The following FBXL5 variants were observed in gnomAD, a reference collection of about 807,000 sequenced individuals.
FBXL5 encodes the protein F-box and leucine rich repeat protein 5.
In FBXL5, 26 loss-of-function variants were observed where a neutral mutation model predicts 78.3. That is an observed-to-expected ratio of 0.33 (90% CI 0.24 to 0.46). The LOEUF is 0.46. Ranked by LOEUF, FBXL5 falls within the 20% of genes least tolerant of loss-of-function variation. The pLI is 1.00. For synonymous variants in FBXL5, 295 were observed against 282.5 expected (o/e 1.04, Z -0.45); for missense variants, 710 against 829.2 (o/e 0.86, Z 1.77).
chr4:15,651,760 C>A (rs1716089723), intron 1 of FBXL5, among the ~76,000 whole-genome samples: 1 of 152,018 alleles, frequency 6.6e-6, no homozygotes, highest in African/African-American at 2.4e-5. Flanking sequence ...ACTTTTAATA[C>A]CCTTACCTGA....
chr4:15,627,211 T>C (rs1257248044), intron 7 of FBXL5, among the ~76,000 whole-genome samples: 1 of 147,934 alleles, frequency 6.8e-6, no homozygotes, highest in Non-Finnish European at 1.5e-5. Context: ...CTTGGCTCAC[T>C]GCAACCTCCG....
At chr4:15,656,848 G>C (rs1000907668), upstream of FBXL5, among the ~76,000 whole-genome samples, 1 of 151,968 alleles carries the variant, frequency 6.6e-6, no homozygotes, top group East Asian at 1.9e-4. Context: ...CTATGAGGTA[G>C]TGCTGCAGGA....
intron 3 of FBXL5, among the ~76,000 whole-genome samples, chr4:15,640,393 G>GAAAAAAAAAAAAAA: frequency 1.1e-5 from 1 of 91,600 alleles, no homozygotes; most frequent in Admixed American, 1.3e-4. Flanking sequence ...CTACACTACT[G>GAAAAAAAAAAAAAA]AAAAAAAAAA....
At chr4:15,606,086 C>A (rs1196829684) in intron 10 of FBXL5, among the ~76,000 whole-genome samples, 1 of 152,092 alleles carries the variant, frequency 6.6e-6, no homozygotes, top group East Asian at 1.9e-4. Flanking sequence ...ATGAGACAAT[C>A]CACAGAAGCA....
At chr4:15,633,525 T>C (rs2148606834) in intron 5 of FBXL5, among the ~76,000 whole-genome samples, 1 of 152,334 alleles carries the variant, frequency 6.6e-6, no homozygotes, top group South Asian at 2.1e-4. Context: ...TATAAATTTA[T>C]AGATCCTGGA....
In FBXL5 at chr4:15,625,698, A is replaced by G. The variant is rs1164447207; in HGVS notation, c.1404T>C (p.Pro468=). 2 of 1,614,250 alleles carry G rather than the reference A, an allele frequency of 1.2e-6. No homozygotes were observed. Among genetic ancestry groups the G allele is most frequent in the Non-Finnish European group, 1.7e-6 (2 of 1,180,042 alleles). Residue 468 remains proline, a synonymous_variant, in exon 9 of 11, where the codon CCT becomes CCC. Transcript: ENST00000341285. ...GAGAAGTGAAATTCTCAGAAGAAACAGGCTTAGTCCAGGGGTGTTCATTAT... is the reference window on the plus strand; with the variant it reads ...GAGAAGTGAAATTCTCAGAAGAAACGGGCTTAGTCCAGGGGTGTTCATTAT... ...EIDNEHPWTK[P]VSSENFTSPY...
rs1196006916 is a variant in FBXL5 at position 15,625,475 on chromosome 4, A to G, written c.1627T>C (p.Phe543Leu). Residue 543 changes from phenylalanine to leucine, a missense_variant, in exon 9 of 11, where the codon TTT becomes CTT. By Grantham distance (22) the Phe-to-Leu change is conservative (BLOSUM62 0). Coordinates refer to ENST00000341285, the MANE Select transcript of FBXL5 (RefSeq NM_012161.4). The part of the protein sequence containing the change: ...CWQQHCASPA[F>L]AYCGHSFCCT... ...CAAAATGAGTGACCACAATACGCAA[A>G]GGCTGGAGAAGCACAATGCTGCTGC... is the stretch of plus-strand genomic sequence containing the variant. 20 of 1,613,854 alleles carry G rather than the reference A, an allele frequency of 1.2e-5. No homozygotes were observed. Among genetic ancestry groups the G allele is most frequent in the Non-Finnish European group, 1.2e-5 (14 of 1,179,926 alleles).
At chr4:15,649,155 A>G (rs1715661954) in intron 1 of FBXL5, among the ~76,000 whole-genome samples, 1 of 152,140 alleles carries the variant, frequency 6.6e-6, no homozygotes, top group Non-Finnish European at 1.5e-5. Flanking sequence ...GATGAAGTGA[A>G]AACAAAGCCA....
At chr4:15,643,515 T>G (rs534051905) in intron 2 of FBXL5, among the ~76,000 whole-genome samples, 107 of 152,332 alleles carry the variant, frequency 7.0e-4, no homozygotes, top group African/African-American at 2.5e-3. Context: ...CCTCCCAGGT[T>G]CAAGCAACTC....
rs1714314519 is a variant in FBXL5, at chr4:15,636,670, T to A, written c.590A>T (p.Glu197Val). ...SVDEKSDKEA[E>V]VSEHSTGITH... is the part of the protein sequence containing the mutation. The stretch of plus-strand genomic sequence containing the variant: ...TATACCTGTGGAGTGTTCTGACACT[T>A]CTGCTTCTGAAATAAAAAAGAAAAA... The change falls in exon 5 of 11, where the codon GAA becomes GTA. Residue 197 changes from glutamate to valine, a missense_variant. Coordinates refer to ENST00000341285, the MANE Select transcript of FBXL5 (RefSeq NM_012161.4). 2 of 1,546,058 alleles carry A rather than the reference T, an allele frequency of 1.3e-6. No homozygotes were observed. Among genetic ancestry groups the A allele is most frequent in the African/African-American group, 1.4e-5 (1 of 72,666 alleles).
intron 3 of FBXL5, among the ~76,000 whole-genome samples, chr4:15,639,870 TA>T (rs1381937521): frequency 6.6e-6 from 1 of 152,246 alleles, no homozygotes; most frequent in African/African-American, 2.4e-5. Context: ...TGAGAATCAC[TA>T]CAATAACTGA....
At chr4:15,635,974 G>C (rs1714221807) in intron 5 of FBXL5, among the ~76,000 whole-genome samples, 1 of 151,960 alleles carries the variant, frequency 6.6e-6, no homozygotes, top group Non-Finnish European at 1.5e-5. Flanking sequence ...ATCAAATAAA[G>C]ATAGGTCAAA....
At chr4:15,644,068 G>T (rs1419028980) in intron 2 of FBXL5, among the ~76,000 whole-genome samples, 1 of 152,186 alleles carries the variant, frequency 6.6e-6, no homozygotes, top group Non-Finnish European at 1.5e-5. Context: ...TGCTGAATTG[G>T]TTTAGTGAAA....
At chr4:15,633,369 T>C (rs1471820630) in intron 5 of FBXL5, among the ~76,000 whole-genome samples, 1 of 152,184 alleles carries the variant, frequency 6.6e-6, no homozygotes, top group African/African-American at 2.4e-5. Flanking sequence ...CCTGCTGTCA[T>C]TTCACACTGG....
Position 15,626,926 on chromosome 4 carries a change from G to T in FBXL5, c.1071C>A (p.Asn357Lys). ...TCTGGGTAAGATCCAGATGCTCCAG[G>T]TTAGGACAAAGCTCTAAAATCTGCC... ...MVRQILELCP[N>K]LEHLDLTQTD... The change falls in exon 8 of 11, where the codon AAC (asparagine) becomes AAA (lysine). Residue 357 changes from asparagine (N) to lysine (K), a missense_variant. Transcript: ENST00000341285. 6 of 1,611,846 alleles carry T rather than the reference G, an allele frequency of 3.7e-6. No individual in the cohort carries two copies. The highest frequency in any genetic ancestry group is 5.1e-6 in the Non-Finnish European group (6 of 1,178,924).
At chr4:15,677,165 T>A (rs751220090) in intron 1 of FBXL5, among the ~76,000 whole-genome samples, 1 of 152,200 alleles carries the variant, frequency 6.6e-6, no homozygotes, top group Non-Finnish European at 1.5e-5. Context: ...AGGAAATATA[T>A]TCACAAAGGA....
At chr4:15,631,275 A>C (rs1002040252) in intron 5 of FBXL5, among the ~76,000 whole-genome samples, 59 of 152,300 alleles carry the variant, frequency 3.9e-4, no homozygotes, top group Middle Eastern at 6.8e-3. Context: ...GCATAGTATT[A>C]CATGGTGTAT....
rs563557479 is a variant in FBXL5, at chr4:15,605,803, T to C, written c.2000-4A>G. On this transcript the variant is annotated splice_polypyrimidine_tract_variant and splice_region_variant and intron_variant, in intron 10 of 10. Coordinates refer to ENST00000341285, the MANE Select transcript of FBXL5 (RefSeq NM_012161.4). ...CTGGCGGTATCAGCATGAGGACCTG[T>C]ATGAAAACAGAAAAATGTGAAAGGA... 3 of 1,612,482 alleles carry C rather than the reference T, an allele frequency of 1.9e-6. No homozygotes were observed. The highest frequency in any genetic ancestry group is 2.2e-5 in the South Asian group (2 of 90,938).
chr4:15,640,393 G>GGAAA (rs1553852146), intron 3 of FBXL5, among the ~76,000 whole-genome samples: 1 of 91,634 alleles, frequency 1.1e-5, no homozygotes, highest in Non-Finnish European at 2.1e-5. Context: ...CTACACTACT[G>GGAAA]AAAAAAAAAA....
Sources: allele counts gnomAD v4.1 joint callset (sites outside exome capture counted in the v4.1 genomes callset), GRCh38; gene constraint gnomAD v4.1.1; transcripts MANE v1.5; gene names NCBI Gene and HGNC (gene_info 2026-07-23, HGNC 2026-07-21).